The following RANBP9 variants were observed in gnomAD, a reference collection of about 807,000 sequenced individuals.
RANBP9 encodes the protein ran-binding protein 9.
Under a neutral mutation model 84.3 loss-of-function variants are expected in RANBP9, and 15 were observed. The observed-to-expected ratio is 0.18, with a 90% CI of 0.12 to 0.27. The LOEUF is 0.27. RANBP9 is among the 10% of genes least tolerant of loss of function. The pLI, the probability that RANBP9 is intolerant of heterozygous loss-of-function variation, is 1.00. For synonymous variants in RANBP9, 392 were observed against 349.6 expected, an observed-to-expected ratio of 1.12 and a Z score of -1.35; for missense variants, 809 against 912.8, an observed-to-expected ratio of 0.89 and a Z score of 1.46.
intron 1 of RANBP9, among the ~76,000 whole-genome samples, chr6:13,707,569 T>C (rs985945806): frequency 3.3e-5 from 5 of 152,196 alleles, no homozygotes; most frequent in African/African-American, 9.7e-5. Context: ...TACTATGGGA[T>C]TGTGAAAAGA....
At chr6:13,651,735 C>T (rs1765302445) in intron 5 of RANBP9, among the ~76,000 whole-genome samples, 1 of 151,968 alleles carries the variant, frequency 6.6e-6, no homozygotes, top group South Asian at 2.1e-4. Flanking sequence ...ACAGTGATCC[C>T]ATAAAAACTG....
At chr6:13,685,594 T>C (rs970395439) in intron 2 of RANBP9, among the ~76,000 whole-genome samples, 1 of 150,496 alleles carries the variant, frequency 6.6e-6, no homozygotes, top group African/African-American at 2.4e-5. Context: ...CCAAAAATAC[T>C]AAATAAATCA....
intron 4 of RANBP9, among the ~76,000 whole-genome samples, chr6:13,654,347 T>G (rs998560833): frequency 2.0e-5 from 3 of 152,198 alleles, no homozygotes; most frequent in African/African-American, 7.2e-5. Context: ...GTGAACGATA[T>G]TCAATAAAAC....
intron 4 of RANBP9, among the ~76,000 whole-genome samples, chr6:13,655,437 T>G (rs1266699160): frequency 6.6e-6 from 1 of 152,162 alleles, no homozygotes; most frequent in African/African-American, 2.4e-5. Flanking sequence ...ACTGTACTCC[T>G]GCCTTGGCGA....
chr6:13,702,444 T>G (rs1394110976), intron 1 of RANBP9, among the ~76,000 whole-genome samples: 1 of 152,184 alleles, frequency 6.6e-6, no homozygotes, highest in African/African-American at 2.4e-5. Context: ...TCAATTTTAT[T>G]TGTTAAAATG....
At chr6:13,697,581 A>T (rs1434582064) in intron 1 of RANBP9, among the ~76,000 whole-genome samples, 1 of 152,242 alleles carries the variant, frequency 6.6e-6, no homozygotes, top group Non-Finnish European at 1.5e-5. Context: ...AATGGCTTTC[A>T]AACTTTTTAA....
At position 13,652,699 on chromosome 6, in the gene RANBP9, A is replaced by G. The variant is rs772978671; in HGVS notation, c.905-18T>C. Reference sequence around the variant, plus strand: ...AGCAATACCTAAAAAGAAAAAAAAAAGTGGCATTAGAAGCTGTTTTTCAAA... The same window carrying G: ...AGCAATACCTAAAAAGAAAAAAAAAGGTGGCATTAGAAGCTGTTTTTCAAA... On this transcript the variant is annotated intron_variant, in intron 4 of 13. Coordinates refer to ENST00000011619, the MANE Select transcript of RANBP9 (RefSeq NM_005493.3). 3.1e-6 allele frequency: 5 copies of G among 1,588,984 alleles called. No individual in the cohort carries two copies. Among genetic ancestry groups the G allele is most frequent in the East Asian group, 4.5e-5 (2 of 44,658 alleles).
At chr6:13,637,720 A>AT in intron 10 of RANBP9, 88 bp downstream of exon 10, 2 of 1,324,852 alleles carry the variant, frequency 1.5e-6, no homozygotes, top group East Asian at 5.0e-5. Context: ...TGTGGGTCAC[A>AT]TAATTCAAGT....
chr6:13,655,771 T>A (rs1330078778), intron 4 of RANBP9, among the ~76,000 whole-genome samples: 1 of 152,202 alleles, frequency 6.6e-6, no homozygotes, highest in African/African-American at 2.4e-5. Flanking sequence ...AGCAGATTTC[T>A]CCGGATTCAA....
At chr6:13,691,108 C>CA (rs922450217) in intron 2 of RANBP9, among the ~76,000 whole-genome samples, 1 of 145,656 alleles carries the variant, frequency 6.9e-6, no homozygotes, top group African/African-American at 2.6e-5. Context: ...ACAGAGGTTG[C>CA]AGTGAGCCAA....
intron 2 of RANBP9, among the ~76,000 whole-genome samples, chr6:13,671,210 A>C (rs989238670): frequency 3.3e-5 from 5 of 152,322 alleles, no homozygotes; most frequent in African/African-American, 1.2e-4. Context: ...GCTGGTAGTA[A>C]GTAAAATGGT....
intron 3 of RANBP9, among the ~76,000 whole-genome samples, chr6:13,658,424 A>G (rs1765460464): frequency 6.6e-6 from 1 of 152,016 alleles, no homozygotes; most frequent in Non-Finnish European, 1.5e-5. Flanking sequence ...GCCTGGCCAA[A>G]ATGGCAAAAC....
At chr6:13,652,822 T>A in intron 4 of RANBP9, 141 bp from the exon 5 acceptor site, 2 of 683,554 alleles carry the variant, frequency 2.9e-6, no homozygotes, top group Non-Finnish European at 4.9e-6. Flanking sequence ...ACAAGACTAA[T>A]TTTTAATCAA....
chr6:13,666,617 A>AAAAAAAAAAG (rs1765655331), intron 2 of RANBP9, among the ~76,000 whole-genome samples: 1 of 148,238 alleles, frequency 6.7e-6, no homozygotes, highest in Non-Finnish European at 1.5e-5. Flanking sequence ...AAAAAAAAAA[A>AAAAAAAAAAG]AAAAAAAAAA....
At chr6:13,700,059 CA>C (rs1309339005) in intron 1 of RANBP9, among the ~76,000 whole-genome samples, 4 of 152,114 alleles carry the variant, frequency 2.6e-5, no homozygotes, top group Admixed American at 6.5e-5. Context: ...TTTAAAACTA[CA>C]AAGTCTTCAG....
At chr6:13,707,912 G>T (rs1200604952) in intron 1 of RANBP9, among the ~76,000 whole-genome samples, 1 of 152,146 alleles carries the variant, frequency 6.6e-6, no homozygotes, top group East Asian at 1.9e-4. Flanking sequence ...AAAAATAAGA[G>T]GGGCTATCCC....
rs189314748 is a variant in RANBP9, at chr6:13,657,293, G to A, written c.737-17C>T. Reference sequence around the variant, plus strand: ...TATCCCAACCTAAGGAGAAAGTTCCGGCATATTTACAATGAAAAGTAAGGT... The same window carrying A: ...TATCCCAACCTAAGGAGAAAGTTCCAGCATATTTACAATGAAAAGTAAGGT... On this transcript the variant is annotated splice_polypyrimidine_tract_variant and intron_variant, in intron 3 of 13. Transcript: ENST00000011619. 3.5e-4 allele frequency: 555 copies of A among 1,599,162 alleles called. No homozygotes were observed. The African/African-American group carries it at 4.0e-3, about 12-fold the overall frequency.
In RANBP9 at chr6:13,639,772, AT is replaced by A. The variant is rs776248969; in HGVS notation, c.1335-20del. 8 of 1,576,526 alleles carry A rather than the reference AT, an allele frequency of 5.1e-6. No individual in the cohort carries two copies. The highest frequency in any genetic ancestry group is 6.9e-6 in the Non-Finnish European group (8 of 1,153,452). ...ACGCACTCTAAAGGAGAAAAGAAAA[AT>A]TTACTTAGACACAATCTTCAAATGG... On this transcript the variant is annotated intron_variant, in intron 8 of 13. Coordinates refer to ENST00000011619, the MANE Select transcript of RANBP9 (RefSeq NM_005493.3).
intron 1 of RANBP9, among the ~76,000 whole-genome samples, chr6:13,702,032 T>G (rs756376743): frequency 5.1e-4 from 78 of 152,318 alleles, no homozygotes; most frequent in Non-Finnish European, 1.0e-3. Flanking sequence ...CCCCTCAATC[T>G]GTAAAGGGAC....
Sources: gnomAD v4.1 joint callset for allele counts (sites outside exome capture counted in the v4.1 genomes callset) on GRCh38, gnomAD v4.1.1 for gene constraint, MANE v1.5 for transcripts, NCBI Gene and HGNC (gene_info 2026-07-23, HGNC 2026-07-21) for gene names.